The following NLGN1 variants were observed in gnomAD, a reference collection of about 807,000 sequenced individuals.
NLGN1 encodes the protein neuroligin-1.
Under a neutral mutation model 65.5 loss-of-function variants are expected in NLGN1, and 12 were observed. The observed-to-expected ratio is 0.18, with a 90% CI of 0.12 to 0.30. The LOEUF (loss-of-function observed/expected upper bound fraction) is 0.30, where lower values mean the gene tolerates loss of function less well. NLGN1 is among the 10% of genes least tolerant of loss of function. The pLI, the probability that NLGN1 is intolerant of heterozygous loss-of-function variation, is 1.00. For missense variants in NLGN1, 750 were observed against 1,007.1 expected (o/e 0.74, Z 3.46); for synonymous variants, 350 against 359.5 (o/e 0.97, Z 0.30).
chr3:174,199,369 G>A (rs1577326697), intron 4 of NLGN1, among the ~76,000 whole-genome samples: 1 of 151,684 alleles, frequency 6.6e-6, no homozygotes, highest in South Asian at 2.1e-4. Flanking sequence ...GATCAATGTT[G>A]GCTACTATCA....
intron 3 of NLGN1, among the ~76,000 whole-genome samples, chr3:173,774,784 T>G (rs1439001990): frequency 6.6e-6 from 1 of 152,164 alleles, no homozygotes; most frequent in African/African-American, 2.4e-5. Context: ...TCAAGATATT[T>G]GGGGAGTGAG....
chr3:173,616,140 A>C (rs2149486802), intron 3 of NLGN1, among the ~76,000 whole-genome samples: 1 of 152,134 alleles, frequency 6.6e-6, no homozygotes, highest in Admixed American at 6.5e-5. Context: ...TTACATGAGC[A>C]CTCACGGATA....
chr3:173,499,815 C>A (rs1576994158), intron 2 of NLGN1, among the ~76,000 whole-genome samples: 1 of 151,846 alleles, frequency 6.6e-6, no homozygotes, highest in Admixed American at 6.6e-5. Flanking sequence ...CTCTTTGAAG[C>A]AATTGTGAAT....
At chr3:173,757,876 G>A (rs778781373) in intron 3 of NLGN1, among the ~76,000 whole-genome samples, 6 of 151,908 alleles carry the variant, frequency 3.9e-5, no homozygotes, top group Non-Finnish European at 8.8e-5. Context: ...TATTTCAAAC[G>A]AAGTAATAAA....
chr3:173,685,704 T>C (rs1317700902), intron 3 of NLGN1: 8 of 985,236 alleles, frequency 8.1e-6, no homozygotes, highest in Non-Finnish European at 9.6e-6. Flanking sequence ...GGAAGTTTGG[T>C]AAATGATCCC....
intron 4 of NLGN1, among the ~76,000 whole-genome samples, chr3:174,081,529 C>T (rs1257717734): frequency 6.6e-6 from 1 of 151,874 alleles, no homozygotes; most frequent in East Asian, 1.9e-4. Flanking sequence ...ATGAGGGTTC[C>T]CCCAACCTGA....
intron 3 of NLGN1, among the ~76,000 whole-genome samples, chr3:173,760,821 A>G (rs2150206822): frequency 6.6e-6 from 1 of 152,174 alleles, no homozygotes; most frequent in East Asian, 1.9e-4. Context: ...TTGCTGTAGT[A>G]CAATAAAAGC....
chr3:174,283,486 C>T (rs1199231343), exon 7 of NLGN1: 2 of 151,192 alleles, frequency 1.3e-5, no homozygotes, highest in African/African-American at 4.8e-5. Context: ...AAGAAATTTG[C>T]AATATTTCAT....
At chr3:174,259,407 C>A (rs189869216) in intron 4 of NLGN1, among the ~76,000 whole-genome samples, 1 of 151,972 alleles carries the variant, frequency 6.6e-6, no homozygotes, top group Non-Finnish European at 1.5e-5. Context: ...TTCTCCCTCA[C>A]CCTCACACTT....
chr3:173,993,311 G>A (rs997455333), intron 4 of NLGN1, among the ~76,000 whole-genome samples: 6 of 152,176 alleles, frequency 3.9e-5, no homozygotes, highest in Non-Finnish European at 7.3e-5. Context: ...CAATGTAGTT[G>A]TTCATGTTGC....
intron 3 of NLGN1, among the ~76,000 whole-genome samples, chr3:173,766,532 A>T (rs1389463773): frequency 6.6e-6 from 1 of 152,270 alleles, no homozygotes; most frequent in South Asian, 2.1e-4. Context: ...TTGAACCCTG[A>T]CTATATTAGG....
chr3:173,948,392 T>A (rs1747581936), intron 4 of NLGN1, among the ~76,000 whole-genome samples: 2 of 152,174 alleles, frequency 1.3e-5, no homozygotes, highest in Admixed American at 1.3e-4. Flanking sequence ...ATGTGTTTTG[T>A]TGATTTGCAA....
At chr3:173,710,259 A>T (rs1382938525) in intron 3 of NLGN1, among the ~76,000 whole-genome samples, 2 of 152,186 alleles carry the variant, frequency 1.3e-5, no homozygotes, top group African/African-American at 4.8e-5. Flanking sequence ...GTCCTTCCTT[A>T]ATTCTATGGG....
chr3:173,866,122 T>G (rs552050888), intron 4 of NLGN1, among the ~76,000 whole-genome samples: 2 of 152,306 alleles, frequency 1.3e-5, no homozygotes, highest in South Asian at 4.1e-4. Context: ...AGGATACTTC[T>G]GTAGTTTGGG....
chr3:173,572,175 A>G (rs1744756962), intron 2 of NLGN1, among the ~76,000 whole-genome samples: 1 of 152,212 alleles, frequency 6.6e-6, no homozygotes, highest in Admixed American at 6.5e-5. Context: ...CCCAGGCTGC[A>G]TGTAGTGATA....
At chr3:174,026,396 G>T (rs1413414128) in intron 4 of NLGN1, among the ~76,000 whole-genome samples, 1 of 152,052 alleles carries the variant, frequency 6.6e-6, no homozygotes, top group Non-Finnish European at 1.5e-5. Context: ...AAAGTTTTGG[G>T]CTTACAGTCA....
At chr3:173,518,847 C>G (rs925115976) in intron 2 of NLGN1, among the ~76,000 whole-genome samples, 5 of 152,142 alleles carry the variant, frequency 3.3e-5, no homozygotes, top group African/African-American at 4.8e-5. Flanking sequence ...ATTCGCATAA[C>G]TAAAAGGAAG....
intron 2 of NLGN1, among the ~76,000 whole-genome samples, chr3:173,530,940 C>G (rs139181108): frequency 9.3e-4 from 141 of 152,062 alleles, no homozygotes; most frequent in Non-Finnish European, 1.5e-3. Flanking sequence ...TTGGGCTTTG[C>G]TTTAATTGAC....
chr3:173,415,904 TAGAGAGAGAGAGAGGG>T (rs1288695863), intron 1 of NLGN1, among the ~76,000 whole-genome samples: 2,205 of 125,436 alleles, frequency 0.018, 86 homozygotes, highest in African/African-American at 0.069. Flanking sequence ...TATATATATA[TAGAGAGAGAGAGAGGG>T]AGAGAGAGAG....
Sources: gnomAD v4.1 joint callset for allele counts (sites outside exome capture counted in the v4.1 genomes callset) on GRCh38, gnomAD v4.1.1 for gene constraint, MANE v1.5 for transcripts, NCBI Gene and HGNC (gene_info 2026-07-23, HGNC 2026-07-21) for gene names.